SNX25: variants seen among roughly 807,000 people sequenced by gnomAD.
The protein encoded by SNX25 is sorting nexin 25.
In SNX25, 62 loss-of-function variants were observed where a neutral mutation model predicts 113.7. The ratio of observed to expected loss-of-function variants is 0.55; its 90% CI spans 0.44 to 0.67. The LOEUF is 0.67. Ranked by LOEUF, SNX25 falls within the 30% of genes least tolerant of loss-of-function variation. The pLI, the probability that SNX25 is intolerant of heterozygous loss-of-function variation, is 0.00. For missense variants in SNX25, 1,014 were observed against 1,161.0 expected (o/e 0.87, Z 1.84); for synonymous variants, 421 against 436.2 (o/e 0.97, Z 0.43).
At chr4:185,303,363 G>A (rs374792443) in intron 6 of SNX25, among the ~76,000 whole-genome samples, 2 of 152,088 alleles carry the variant, frequency 1.3e-5, no homozygotes, top group East Asian at 3.9e-4. Context: ...CCAGCACCAA[G>A]ACATTAAACG....
At chr4:185,377,520 A>AAACAAC in the SNX25 span, 1 of 168,288 alleles carries the variant, frequency 5.9e-6, no homozygotes, top group Non-Finnish European at 1.3e-5. Context: ...CTCCATCTCA[A>AAACAAC]AACAACAACA....
chr4:185,296,288 G>T (rs143675095), intron 6 of SNX25, among the ~76,000 whole-genome samples: 1 of 152,058 alleles, frequency 6.6e-6, no homozygotes, highest in Admixed American at 6.6e-5. Context: ...GCAGCTAACC[G>T]TATTGCCTTT....
chr4:185,217,758 G>C (rs1739105985), intron 1 of SNX25, among the ~76,000 whole-genome samples: 1 of 152,184 alleles, frequency 6.6e-6, no homozygotes, highest in South Asian at 2.1e-4. Context: ...ACACGTGGTT[G>C]TGCTAAAAAG....
At chr4:185,290,466 T>C (rs1197021685) in intron 6 of SNX25, among the ~76,000 whole-genome samples, 1 of 152,240 alleles carries the variant, frequency 6.6e-6, no homozygotes, top group Non-Finnish European at 1.5e-5. Flanking sequence ...ACTGGTCTCA[T>C]TGCTTCTCTG....
At chr4:185,370,945 C>G (rs1258900850), downstream of SNX25, 1 of 996,944 alleles carries the variant, frequency 1.0e-6, no homozygotes, top group Non-Finnish European at 1.5e-6. Flanking sequence ...AAGTTGTTTG[C>G]TGTGTGGGGA....
At chr4:185,304,754 G>T (rs561796941) in intron 6 of SNX25, among the ~76,000 whole-genome samples, 24 of 152,268 alleles carry the variant, frequency 1.6e-4, no homozygotes, top group Non-Finnish European at 3.1e-4. Context: ...CCTGCACAGT[G>T]CTGGTATTAC....
At chr4:185,243,710 G>A (rs886868292) in intron 1 of SNX25, among the ~76,000 whole-genome samples, 3 of 152,070 alleles carry the variant, frequency 2.0e-5, no homozygotes, top group Non-Finnish European at 4.4e-5. Context: ...TTAAATAAAT[G>A]AAAGGCCTTA....
chr4:185,367,995 C>T (rs565160219), downstream of SNX25, among the ~76,000 whole-genome samples: 1 of 152,074 alleles, frequency 6.6e-6, no homozygotes, highest in South Asian at 2.1e-4. Context: ...CCGGCTAACA[C>T]AGTGAAACTC....
chr4:185,310,498 A>C, intron 6 of SNX25, 137 bp from the exon 7 acceptor site: 1 of 565,246 alleles, frequency 1.8e-6, no homozygotes, highest in Non-Finnish European at 3.0e-6. Flanking sequence ...TGTATTTATC[A>C]TGGATTCTGT....
chr4:185,349,593 GT>G (rs1356659042), intron 13 of SNX25, among the ~76,000 whole-genome samples: 3 of 152,084 alleles, frequency 2.0e-5, no homozygotes, highest in African/African-American at 7.2e-5. Flanking sequence ...TTTGTCTGGT[GT>G]GAGATGGTAT....
chr4:185,205,407 T>C (rs910103492), upstream of SNX25, among the ~76,000 whole-genome samples: 1 of 151,284 alleles, frequency 6.6e-6, no homozygotes, highest in Non-Finnish European at 1.5e-5. Flanking sequence ...CGAGCCGAGA[T>C]CGTGCCACTG....
chr4:185,277,244 G>A (rs1199049266), intron 5 of SNX25, among the ~76,000 whole-genome samples: 2 of 152,104 alleles, frequency 1.3e-5, no homozygotes, highest in Non-Finnish European at 2.9e-5. Context: ...AGGCTGGTCT[G>A]GAAGTCCTGA....
At chr4:185,376,297 A>T in the SNX25 span, among the ~76,000 whole-genome samples, 1 of 152,084 alleles carries the variant, frequency 6.6e-6, no homozygotes, top group Admixed American at 6.6e-5. Context: ...CTTTTTTTTG[A>T]GAGGGAGTCT....
intron 1 of SNX25, among the ~76,000 whole-genome samples, chr4:185,229,015 C>T (rs1741423240): frequency 6.6e-6 from 1 of 152,180 alleles, no homozygotes; most frequent in Admixed American, 6.5e-5. Context: ...AAGGGAGAAG[C>T]AGCATCGCAA....
At chr4:185,298,093 C>CTTTTTTTTTTT (rs6148841) in intron 6 of SNX25, among the ~76,000 whole-genome samples, 6 of 137,162 alleles carry the variant, frequency 4.4e-5, no homozygotes, top group African/African-American at 1.1e-4. Flanking sequence ...ATAGTAACTT[C>CTTTTTTTTTTT]TTTTTTTTTT....
At chr4:185,249,530 G>A (rs1745347698) in intron 2 of SNX25, among the ~76,000 whole-genome samples, 1 of 152,134 alleles carries the variant, frequency 6.6e-6, no homozygotes, top group African/African-American at 2.4e-5. Context: ...AGATACAGAA[G>A]ATTTTTCTCC....
intron 6 of SNX25, among the ~76,000 whole-genome samples, chr4:185,300,831 GATT>G (rs1345835377): frequency 5.3e-5 from 4 of 76,106 alleles, no homozygotes; most frequent in African/African-American, 2.2e-4. Flanking sequence ...GTGGTATTAT[GATT>G]ATTATGACAC....
intron 7 of SNX25, among the ~76,000 whole-genome samples, chr4:185,318,113 T>A (rs181495446): frequency 6.6e-6 from 1 of 152,306 alleles, no homozygotes; most frequent in East Asian, 1.9e-4. Context: ...ATTGTTGGTG[T>A]CAGAAGAGTT....
At chr4:185,338,521 C>T (rs1001121414) in intron 10 of SNX25, among the ~76,000 whole-genome samples, 1 of 152,170 alleles carries the variant, frequency 6.6e-6, no homozygotes, top group Non-Finnish European at 1.5e-5. Context: ...CTCCTGACCT[C>T]AGGTGATCCA....
Sources: allele counts gnomAD v4.1 joint callset (sites outside exome capture counted in the v4.1 genomes callset), GRCh38; gene constraint gnomAD v4.1.1; transcripts MANE v1.5; gene names NCBI Gene and HGNC (gene_info 2026-07-23, HGNC 2026-07-21).